HPSE2: variants seen among roughly 807,000 people sequenced by gnomAD.
HPSE2 encodes the protein heparanase 2 (inactive).
HPSE2 carries 38 observed loss-of-function variants against 60.5 expected under a neutral mutation model. That is an observed-to-expected ratio of 0.63 (90% CI 0.48 to 0.82). HPSE2 has a LOEUF of 0.82. HPSE2 is among the 40% of genes least tolerant of loss of function. The pLI, the probability that HPSE2 is intolerant of heterozygous loss-of-function variation, is 0.00. For synonymous variants in HPSE2, 295 were observed against 293.2 expected (o/e 1.01, Z -0.06); for missense variants, 713 against 740.4 (o/e 0.96, Z 0.43).
the HPSE2 span, among the ~76,000 whole-genome samples, chr10:99,274,279 G>A: frequency 9.9e-3 from 1,513 of 152,272 alleles, 23 homozygotes; most frequent in African/African-American, 0.034. Flanking sequence ...CCTGGGAGAC[G>A]GAGGTTGCAG....
At chr10:98,649,422 G>C (rs1946858847) in intron 6 of HPSE2, among the ~76,000 whole-genome samples, 3 of 152,280 alleles carry the variant, frequency 2.0e-5, no homozygotes, top group African/African-American at 7.2e-5. Flanking sequence ...TAGGAAACCA[G>C]AGATCATATA....
At chr10:98,561,946 G>A (rs1194339729) in intron 9 of HPSE2, among the ~76,000 whole-genome samples, 1 of 152,200 alleles carries the variant, frequency 6.6e-6, no homozygotes, top group Non-Finnish European at 1.5e-5. Context: ...AAATTCAGTA[G>A]TGTATAGTAA....
chr10:98,561,743 G>A (rs780830676), intron 9 of HPSE2, among the ~76,000 whole-genome samples: 2 of 152,140 alleles, frequency 1.3e-5, no homozygotes, highest in Non-Finnish European at 2.9e-5. Flanking sequence ...AGCTACTTAC[G>A]AGGTTGAGGC....
intron 2 of HPSE2, among the ~76,000 whole-genome samples, chr10:99,149,531 T>C (rs1378731474): frequency 3.9e-5 from 6 of 152,192 alleles, no homozygotes; most frequent in African/African-American, 7.2e-5. Flanking sequence ...GAATTTCCTT[T>C]TTTAGAAACA....
intron 3 of HPSE2, among the ~76,000 whole-genome samples, chr10:98,958,701 T>C (rs1240867039): frequency 6.6e-6 from 1 of 152,138 alleles, no homozygotes; most frequent in Non-Finnish European, 1.5e-5. Flanking sequence ...TCTGCCTAAC[T>C]AAACCCTGTG....
intron 3 of HPSE2, among the ~76,000 whole-genome samples, chr10:98,995,078 G>T (rs76743484): frequency 2.0e-5 from 3 of 152,242 alleles, no homozygotes; most frequent in African/African-American, 7.2e-5. Flanking sequence ...TCTGTTCCTG[G>T]CTGAGGAAGG....
intron 3 of HPSE2, among the ~76,000 whole-genome samples, chr10:99,028,978 A>T (rs1589542293): frequency 6.6e-6 from 1 of 152,308 alleles, no homozygotes; most frequent in Admixed American, 6.5e-5. Context: ...ATAAAAATCA[A>T]ATCAAAATGG....
chr10:99,219,902 G>C (rs2133927269), intron 2 of HPSE2, among the ~76,000 whole-genome samples: 2 of 152,300 alleles, frequency 1.3e-5, no homozygotes, highest in Middle Eastern at 6.8e-3. Flanking sequence ...TTTGTTGGCT[G>C]ATTAGTATTC....
intron 9 of HPSE2, among the ~76,000 whole-genome samples, chr10:98,528,812 T>C (rs1591318131): frequency 6.6e-6 from 1 of 152,210 alleles, no homozygotes; most frequent in Non-Finnish European, 1.5e-5. Flanking sequence ...TTACGGTTAC[T>C]GTGAATGAAA....
intron 9 of HPSE2, among the ~76,000 whole-genome samples, chr10:98,614,610 G>T (rs1945851303): frequency 6.6e-6 from 1 of 151,954 alleles, no homozygotes; most frequent in African/African-American, 2.4e-5. Flanking sequence ...TAAAACAATA[G>T]TAATAAATAT....
intron 3 of HPSE2, among the ~76,000 whole-genome samples, chr10:99,024,104 G>A (rs1589534200): frequency 6.6e-6 from 1 of 152,310 alleles, no homozygotes; most frequent in African/African-American, 2.4e-5. Context: ...ATAACCCAGA[G>A]AAGGAATTCA....
the HPSE2 span, among the ~76,000 whole-genome samples, chr10:99,241,911 C>G: frequency 6.6e-6 from 1 of 152,074 alleles, no homozygotes; most frequent in African/African-American, 2.4e-5. Flanking sequence ...AAACCTGAAA[C>G]AAAAGGTGAA....
intron 9 of HPSE2, among the ~76,000 whole-genome samples, chr10:98,614,632 T>A (rs979035144): frequency 1.3e-5 from 2 of 152,038 alleles, no homozygotes; most frequent in South Asian, 2.1e-4. Flanking sequence ...CAAATATATA[T>A]AAATGAATAT....
At chr10:98,503,234 GA>G (rs1942086678) in intron 9 of HPSE2, among the ~76,000 whole-genome samples, 2 of 148,274 alleles carry the variant, frequency 1.3e-5, no homozygotes, top group East Asian at 2.0e-4. Flanking sequence ...AAGAAAAAAA[GA>G]AAAAAAGAAA....
intron 9 of HPSE2, 134 bp downstream of exon 9, chr10:98,614,770 G>T (rs1945857777): frequency 1.4e-6 from 1 of 725,930 alleles, no homozygotes; most frequent in Non-Finnish European, 2.5e-6. Context: ...ACAAAGACAG[G>T]AATGTTTCTG....
intron 3 of HPSE2, among the ~76,000 whole-genome samples, chr10:99,098,401 A>T (rs148253255): frequency 1.9e-3 from 294 of 152,290 alleles, no homozygotes; most frequent in African/African-American, 6.9e-3. Flanking sequence ...TCCTGGAATA[A>T]ATCCCCAACA....
At chr10:98,936,909 G>A (rs371423763) in intron 3 of HPSE2, among the ~76,000 whole-genome samples, 1 of 133,278 alleles carries the variant, frequency 7.5e-6, no homozygotes, top group East Asian at 2.1e-4. Flanking sequence ...ATCCCGGGAG[G>A]CGGAGGTTGC....
intron 3 of HPSE2, among the ~76,000 whole-genome samples, chr10:98,853,052 C>G (rs1268297087): frequency 6.6e-6 from 1 of 152,156 alleles, no homozygotes; most frequent in Non-Finnish European, 1.5e-5. Context: ...AAATTAAACA[C>G]AAATGGCAAA....
At chr10:98,546,944 A>T (rs1489602674) in intron 9 of HPSE2, among the ~76,000 whole-genome samples, 1 of 148,166 alleles carries the variant, frequency 6.7e-6, no homozygotes, top group South Asian at 2.2e-4. Flanking sequence ...CAATGAACTC[A>T]AACAAATTTA....
Sources: allele counts gnomAD v4.1 joint callset (sites outside exome capture counted in the v4.1 genomes callset), GRCh38; gene constraint gnomAD v4.1.1; transcripts MANE v1.5; gene names NCBI Gene and HGNC (gene_info 2026-07-23, HGNC 2026-07-21).